THEMIS: variants seen among roughly 807,000 people sequenced by gnomAD.
The protein encoded by THEMIS is thymocyte selection associated.
A neutral mutation model predicts 52.6 loss-of-function variants in THEMIS; 37 were observed. The observed-to-expected ratio is 0.70, with a 90% CI of 0.54 to 0.93. THEMIS has a LOEUF of 0.93. Ranked by LOEUF, THEMIS falls within the 40% of genes least tolerant of loss-of-function variation. The pLI is 0.00. For missense variants in THEMIS, 808 were observed against 763.1 expected, an observed-to-expected ratio of 1.06 and a Z score of -0.69; for synonymous variants, 292 against 272.7, an observed-to-expected ratio of 1.07 and a Z score of -0.70.
In THEMIS at chr6:127,831,744, C is replaced by G. The variant is rs950287024; in HGVS notation, c.251-1810G>C. Among the ~76,000 whole-genome samples the G allele has an allele frequency of 4.6e-5, 7 of 152,240 alleles. No homozygotes were observed. The South Asian group carries it at 1.5e-3, about 32-fold the overall frequency. Reference sequence around the variant, plus strand: ...GAATGAGCAAGGTAGCAAATGCAACCTATCCTAAAAACTTTTAGAAATAGA... The same window carrying G: ...GAATGAGCAAGGTAGCAAATGCAACGTATCCTAAAAACTTTTAGAAATAGA... On this transcript the variant is annotated intron_variant, in intron 2 of 5. Coordinates refer to ENST00000368248, the MANE Select transcript of THEMIS (RefSeq NM_001010923.3).
chr6:127,698,654 T>A, the THEMIS span, among the ~76,000 whole-genome samples: 1 of 152,052 alleles, frequency 6.6e-6, no homozygotes, highest in Non-Finnish European at 1.5e-5. Context: ...CCTATTCTCC[T>A]GTTGTGGGTG....
chr6:127,758,216 A>G (rs1775900477), intron 4 of THEMIS, among the ~76,000 whole-genome samples: 1 of 150,846 alleles, frequency 6.6e-6, no homozygotes, highest in Non-Finnish European at 1.5e-5. Context: ...AAATCATAAG[A>G]TGTTTTATGG....
At chr6:127,757,246 T>A (rs1409285564) in intron 4 of THEMIS, among the ~76,000 whole-genome samples, 1 of 152,224 alleles carries the variant, frequency 6.6e-6, no homozygotes, top group Non-Finnish European at 1.5e-5. Flanking sequence ...CTGCAAGTAT[T>A]GTTGAAGTAC....
At chr6:127,892,621 T>C (rs1780845741) in intron 1 of THEMIS, among the ~76,000 whole-genome samples, 1 of 152,204 alleles carries the variant, frequency 6.6e-6, no homozygotes, top group Admixed American at 6.5e-5. Context: ...CTATAAAACA[T>C]GCTTCTATGA....
chr6:127,719,607 A>G, intron 5 of THEMIS, 81 bp downstream of exon 5: 1 of 1,281,040 alleles, frequency 7.8e-7, no homozygotes, highest in Non-Finnish European at 1.1e-6. Context: ...ATAAAATAAT[A>G]GTAAGAATCT....
intron 4 of THEMIS, among the ~76,000 whole-genome samples, chr6:127,754,436 C>T (rs1044695412): frequency 3.3e-5 from 5 of 152,208 alleles, no homozygotes; most frequent in Admixed American, 1.3e-4. Context: ...GATTCTTACT[C>T]TCTCACCACT....
At chr6:127,717,208 A>T (rs1409923289) in intron 5 of THEMIS, among the ~76,000 whole-genome samples, 1 of 152,056 alleles carries the variant, frequency 6.6e-6, no homozygotes, top group East Asian at 1.9e-4. Flanking sequence ...CTTCAAAAAA[A>T]AAAAGCACAT....
chr6:127,879,295 A>C (rs1780406811), intron 1 of THEMIS, among the ~76,000 whole-genome samples: 1 of 152,268 alleles, frequency 6.6e-6, no homozygotes, highest in Non-Finnish European at 1.5e-5. Context: ...CTAACTCTGC[A>C]AGAGGCTTGG....
chr6:127,808,083 A>G (rs1204810969), intron 4 of THEMIS, among the ~76,000 whole-genome samples: 1 of 152,192 alleles, frequency 6.6e-6, no homozygotes, highest in Admixed American at 6.5e-5. Context: ...TGTCCGACAG[A>G]AATCTAGAAA....
At chr6:127,752,406 T>C (rs146665122) in intron 4 of THEMIS, among the ~76,000 whole-genome samples, 1 of 149,260 alleles carries the variant, frequency 6.7e-6, no homozygotes, top group Admixed American at 6.7e-5. Context: ...AACCTTTAGC[T>C]AGAGTAACTA....
chr6:127,761,007 A>G (rs905639561), intron 4 of THEMIS, among the ~76,000 whole-genome samples: 5 of 152,158 alleles, frequency 3.3e-5, no homozygotes, highest in Non-Finnish European at 7.3e-5. Flanking sequence ...AAATAATAAG[A>G]CAACCTATAG....
intron 2 of THEMIS, among the ~76,000 whole-genome samples, chr6:127,839,793 G>T (rs940367356): frequency 6.6e-6 from 1 of 152,032 alleles, no homozygotes; most frequent in Non-Finnish European, 1.5e-5. Context: ...CTCTTCCCTT[G>T]CATGACTCAC....
chr6:127,701,730 C>A, the THEMIS span, among the ~76,000 whole-genome samples: 34 of 152,186 alleles, frequency 2.2e-4, 2 homozygotes, highest in East Asian at 4.6e-3. Flanking sequence ...TTTTAGCCAT[C>A]TGGTAGGTTT....
At chr6:127,758,362 T>C (rs1775905475) in intron 4 of THEMIS, among the ~76,000 whole-genome samples, 1 of 148,802 alleles carries the variant, frequency 6.7e-6, no homozygotes, top group African/African-American at 2.4e-5. Flanking sequence ...GAAGAATTTA[T>C]GAAAATACCT....
intron 2 of THEMIS, among the ~76,000 whole-genome samples, chr6:127,840,421 A>G (rs995359638): frequency 3.9e-5 from 6 of 152,108 alleles, no homozygotes; most frequent in African/African-American, 1.4e-4. Context: ...ATGTGTCTAT[A>G]TGTATGCATG....
intron 1 of THEMIS, among the ~76,000 whole-genome samples, chr6:127,877,636 T>C (rs978792206): frequency 5.9e-5 from 9 of 152,204 alleles, no homozygotes; most frequent in African/African-American, 1.2e-4. Flanking sequence ...TTCCATCTTA[T>C]ATGCTCACTG....
intron 2 of THEMIS, among the ~76,000 whole-genome samples, chr6:127,854,447 G>A (rs1779532580): frequency 6.6e-6 from 1 of 151,782 alleles, no homozygotes. Flanking sequence ...TGAGGTGTAT[G>A]TTATGAGGCC....
chr6:127,832,094 A>G (rs1332445341), intron 2 of THEMIS, among the ~76,000 whole-genome samples: 1 of 152,198 alleles, frequency 6.6e-6, no homozygotes, highest in African/African-American at 2.4e-5. Flanking sequence ...TTTTATTTTT[A>G]TCCTAGCTAT....
chr6:127,907,337 A>ATGTTTTTTTTTTTTTTT (rs1781297441), intron 1 of THEMIS, among the ~76,000 whole-genome samples: 1 of 49,448 alleles, frequency 2.0e-5, no homozygotes, highest in Non-Finnish European at 3.7e-5. Flanking sequence ...TTAGGCTCGG[A>ATGTTTTTTTTTTTTTTT]TTTTTTTTTT....
Sources: allele counts gnomAD v4.1 joint callset (sites outside exome capture counted in the v4.1 genomes callset), GRCh38; gene constraint gnomAD v4.1.1; transcripts MANE v1.5; gene names NCBI Gene and HGNC (gene_info 2026-07-23, HGNC 2026-07-21).